Variants in LIN54 observed in about 807,000 individuals in gnomAD.
The protein encoded by LIN54 is lin-54 DREAM MuvB core complex component.
LIN54 carries 9 observed loss-of-function variants against 78.7 expected under a neutral mutation model. The ratio of observed to expected loss-of-function variants is 0.11; its 90% CI spans 0.07 to 0.20. The LOEUF is 0.20. Ranked by LOEUF, LIN54 falls within the 10% of genes least tolerant of loss-of-function variation. The pLI is 1.00. For missense variants in LIN54, 573 were observed against 889.9 expected (o/e 0.64, Z 4.53); for synonymous variants, 269 against 318.4 (o/e 0.84, Z 1.65).
At chr4:83,003,083 C>T (rs1399924902) in intron 1 of LIN54, among the ~76,000 whole-genome samples, 1 of 152,026 alleles carries the variant, frequency 6.6e-6, no homozygotes, top group Non-Finnish European at 1.5e-5. Flanking sequence ...GCGTGATCTC[C>T]ACTCACTGCA....
At position 82,936,265 on chromosome 4, in the gene LIN54, TAA is replaced by T; in HGVS notation, c.1707+12_1707+13del. 6.5e-7 allele frequency: 1 copy of T among 1,531,036 alleles called. No homozygotes were observed. The highest frequency in any genetic ancestry group is 8.9e-7 in the Non-Finnish European group (1 of 1,121,634). 94.8% of individuals were successfully genotyped at this position (1,531,036 alleles called of 1,614,324 possible). ...GGATATTTCTGTCAGTTAAATGAAATAAAAAATAATCACCTTTATTGCTTTTT... is the reference window on the plus strand; with the variant it reads ...GGATATTTCTGTCAGTTAAATGAAATAAAATAATCACCTTTATTGCTTTTT... On this transcript the variant is annotated intron_variant, in intron 10 of 12. Transcript: ENST00000340417.
At chr4:82,994,360 T>A (rs987950833) in intron 1 of LIN54, among the ~76,000 whole-genome samples, 1 of 152,078 alleles carries the variant, frequency 6.6e-6, no homozygotes, top group African/African-American at 2.4e-5. Flanking sequence ...TGACTCAGTA[T>A]ACGGTCTCTC....
In LIN54 at chr4:82,984,406, T is replaced by G. The variant is rs1260576112; in HGVS notation, c.439A>C (p.Lys147Gln). ...GQKLILTTLG[K>Q]SGSPIVLALP... Reference sequence around the variant, plus strand: ...GCTAAAACAATTGGTGAACCAGACTTGCCCAAAGTTGTTAAAATTAACTTC... The same window carrying G: ...GCTAAAACAATTGGTGAACCAGACTGGCCCAAAGTTGTTAAAATTAACTTC... Residue 147 changes from lysine (K) to glutamine (Q), a missense_variant, in exon 2 of 13, where the codon AAG (lysine) becomes CAG (glutamine). Physicochemically the swap from Lys to Gln is moderately conservative, Grantham distance 53 (BLOSUM62 1). Coordinates refer to ENST00000340417, the MANE Select transcript of LIN54 (RefSeq NM_194282.4). 1 of 1,614,214 alleles carries G rather than the reference T, an allele frequency of 6.2e-7. No homozygotes were observed. The highest frequency in any genetic ancestry group is 1.1e-5 in the South Asian group (1 of 91,090).
At chr4:82,963,846 A>G (rs1475746686) in intron 4 of LIN54, among the ~76,000 whole-genome samples, 2 of 152,188 alleles carry the variant, frequency 1.3e-5, no homozygotes, top group African/African-American at 4.8e-5. Context: ...ATCCAATCAT[A>G]TCAACAATTA....
chr4:83,012,898 T>G (rs1729940581), upstream of LIN54: 1 of 151,016 alleles, frequency 6.6e-6, no homozygotes, highest in African/African-American at 2.5e-5. Flanking sequence ...TTGTTCAAAA[T>G]CACGCGCCCA....
In LIN54 at chr4:82,988,833, C is replaced by T. The variant is rs189111836; in HGVS notation, c.-32-3957G>A. Among the ~76,000 whole-genome samples, 5 of 152,264 alleles carry T rather than the reference C, an allele frequency of 3.3e-5. No individual in the cohort carries two copies. In the East Asian group the frequency reaches 9.7e-4, roughly 29 times the overall value. The stretch of plus-strand genomic sequence containing the variant: ...AATGACTCTAGCCTCTTTTCATGTG[C>T]ATATTGTCTGTCTGTATATCTTCCT... On this transcript the variant is annotated intron_variant, in intron 1 of 12. Coordinates refer to ENST00000340417, the MANE Select transcript of LIN54 (RefSeq NM_194282.4).
chr4:82,957,089 C>T lies in LIN54; in HGVS notation c.952-10615G>A, dbSNP rs1724393626. On this transcript the variant is annotated intron_variant, in intron 4 of 12. Coordinates refer to ENST00000340417, the MANE Select transcript of LIN54 (RefSeq NM_194282.4). ...GGTCAATATATTGGGAAAATGGATCCCATCCTTTTCAAATTGTATTCATTA... is the reference window on the plus strand; with the variant it reads ...GGTCAATATATTGGGAAAATGGATCTCATCCTTTTCAAATTGTATTCATTA... Among the ~76,000 whole-genome samples the T allele has an allele frequency of 1.3e-5, 2 of 152,148 alleles. 1 individual carries two copies. Among genetic ancestry groups the T allele is most frequent in the Admixed American group, 1.3e-4 (2 of 15,270 alleles).
intron 1 of LIN54, among the ~76,000 whole-genome samples, chr4:83,006,187 C>T (rs527955825): frequency 3.9e-5 from 6 of 152,206 alleles, no homozygotes; most frequent in South Asian, 4.1e-4. Context: ...CAGTGGCTCA[C>T]GCCTGTAATC....
intron 5 of LIN54, among the ~76,000 whole-genome samples, chr4:82,945,010 C>T (rs7670708): frequency 0.44 from 66,484 of 152,012 alleles, 17,111 homozygotes; most frequent in Admixed American, 0.59. Flanking sequence ...CACAGGCACG[C>T]GCCATCACAC....
chr4:82,947,339 C>A (rs1369315136), intron 4 of LIN54, among the ~76,000 whole-genome samples: 1 of 147,478 alleles, frequency 6.8e-6, no homozygotes, highest in East Asian at 2.0e-4. Context: ...CTCAAGCCAT[C>A]CTCCTGCCTC....
At chr4:82,962,490 A>G (rs1426612851) in intron 4 of LIN54, among the ~76,000 whole-genome samples, 1 of 152,232 alleles carries the variant, frequency 6.6e-6, no homozygotes, top group African/African-American at 2.4e-5. Context: ...GAGATGATCC[A>G]GATGTTACAA....
intron 1 of LIN54, among the ~76,000 whole-genome samples, chr4:82,991,154 GAAAAA>G (rs56936823): frequency 1.2e-5 from 1 of 86,360 alleles, no homozygotes; most frequent in Non-Finnish European, 2.4e-5. Context: ...TGTCTCTTAA[GAAAAA>G]AAAAAAAAAA....
chr4:82,956,543 A>G (rs903973650), intron 4 of LIN54, among the ~76,000 whole-genome samples: 1 of 151,918 alleles, frequency 6.6e-6, no homozygotes, highest in African/African-American at 2.4e-5. Context: ...TGAGCCTGGG[A>G]AGTTAAGGCT....
intron 1 of LIN54, among the ~76,000 whole-genome samples, chr4:82,994,402 AT>A (rs34982646): frequency 7.2e-4 from 106 of 147,354 alleles, no homozygotes; most frequent in Admixed American, 1.1e-3. Context: ...TTTTAAAAGA[AT>A]TTTTTTTTTT....
rs1725554426 is a variant in LIN54 at position 82,970,489 on chromosome 4, C to T, written c.809-20G>A. On this transcript the variant is annotated intron_variant, in intron 3 of 12. Coordinates refer to ENST00000340417, the MANE Select transcript of LIN54 (RefSeq NM_194282.4). ...CCCTACCTGCAAATGAGAGGCAGCA[C>T]ATCAGTTTGACTTTTTTCAATAATA... 6.3e-7 allele frequency: 1 copy of T among 1,592,964 alleles called. No individual in the cohort carries two copies. Among genetic ancestry groups the T allele is most frequent in the Non-Finnish European group, 8.5e-7 (1 of 1,172,964 alleles).
intron 4 of LIN54, among the ~76,000 whole-genome samples, chr4:82,949,680 A>G (rs137891953): frequency 6.6e-6 from 1 of 152,112 alleles, no homozygotes; most frequent in East Asian, 1.9e-4. Context: ...TACAGGCATT[A>G]GCCACTGCAC....
chr4:82,960,283 C>T (rs893114063), intron 4 of LIN54, among the ~76,000 whole-genome samples: 4 of 151,540 alleles, frequency 2.6e-5, no homozygotes, highest in African/African-American at 9.7e-5. Flanking sequence ...CTGCCTCAAA[C>T]TCACGAGTAG....
At chr4:82,962,744 T>C (rs1724903507) in intron 4 of LIN54, among the ~76,000 whole-genome samples, 2 of 149,788 alleles carry the variant, frequency 1.3e-5, no homozygotes, top group African/African-American at 4.9e-5. Context: ...ACTGAGAAAA[T>C]AATCAATAAA....
intron 4 of LIN54, among the ~76,000 whole-genome samples, chr4:82,958,789 G>A (rs989233478): frequency 3.9e-5 from 6 of 152,032 alleles, no homozygotes; most frequent in Non-Finnish European, 7.4e-5. Context: ...TGCAAACTCC[G>A]CCTCCTGGGT....
Sources: gnomAD v4.1 joint callset for allele counts (sites outside exome capture counted in the v4.1 genomes callset) on GRCh38, gnomAD v4.1.1 for gene constraint, MANE v1.5 for transcripts, NCBI Gene and HGNC (gene_info 2026-07-23, HGNC 2026-07-21) for gene names.